The following GJB6 variants were observed in gnomAD, a reference collection of about 807,000 sequenced individuals.
GJB6 encodes gap junction protein beta 6, also known as gap junction beta-6 protein.
Under a neutral mutation model 5.4 loss-of-function variants are expected in GJB6, and 5 were observed. The ratio of observed to expected loss-of-function variants is 0.92; its 90% CI spans 0.48 to 1.93. GJB6 has a LOEUF of 1.93. Ranked by LOEUF, GJB6 falls within the 30% of genes most tolerant of loss-of-function variation. GJB6 has a pLI of 0.01. For synonymous variants in GJB6, 136 were observed against 129.6 expected (o/e 1.05, Z -0.34); for missense variants, 298 against 326.9 (o/e 0.91, Z 0.68).
intron 1 of GJB6, 127 bp from the exon 2 acceptor site, chr13:20,231,632 C>A (rs532981599): frequency 7.9e-5 from 12 of 152,344 alleles, no homozygotes; most frequent in Admixed American, 4.6e-4. Flanking sequence ...TATGCATCGG[C>A]CCAAGTTGAG....
Position 20,222,677 on chromosome 13 carries a change from C to T in GJB6, c.*18G>A, listed in dbSNP as rs759639082. The T allele has an allele frequency of 6.2e-7, 1 of 1,611,268 alleles. No homozygotes were observed. Among genetic ancestry groups the T allele is most frequent in the Non-Finnish European group, 8.5e-7 (1 of 1,177,354 alleles). Reference sequence around the variant, plus strand: ...CAGAAGTCTCCTTATGACGCAGCTACATTTTACCTTGAAATGTTTAGCTTG... The same window carrying T: ...CAGAAGTCTCCTTATGACGCAGCTATATTTTACCTTGAAATGTTTAGCTTG... On this transcript the variant is annotated 3_prime_UTR_variant, in exon 5 of 5. Transcript: ENST00000647029.
At chr13:20,224,248 T>C (rs1869427392) in intron 4 of GJB6, among the ~76,000 whole-genome samples, 1 of 152,186 alleles carries the variant, frequency 6.6e-6, no homozygotes, top group South Asian at 2.1e-4. Flanking sequence ...GAATGACATA[T>C]TCTAGTTTAC....
At position 20,223,955 on chromosome 13, in the gene GJB6, C is replaced by T. The variant is rs113408082; in HGVS notation, c.-15-460G>A. ...CTGCACCCCAGCCTGGGTGACAGAG[C>T]GAGACTCTGTCTCGAAAAAAAAAAA... On this transcript the variant is annotated intron_variant, in intron 4 of 4. Coordinates refer to ENST00000647029, the MANE Select transcript of GJB6 (RefSeq NM_001110219.3). Among the ~76,000 whole-genome samples, 1,160 of 151,186 alleles carry T rather than the reference C, an allele frequency of 7.7e-3. 18 individuals carry two copies. Among genetic ancestry groups the T allele is most frequent in the African/African-American group, 0.026 (1,081 of 41,052 alleles).
chr13:20,230,109 G>C (rs967938936), intron 3 of GJB6: 1 of 152,066 alleles, frequency 6.6e-6, no homozygotes. Context: ...TCTTCAATCA[G>C]GAAGAATAGA....
intron 4 of GJB6, among the ~76,000 whole-genome samples, chr13:20,223,789 C>T (rs1031238310): frequency 6.6e-6 from 1 of 151,850 alleles, no homozygotes; most frequent in Non-Finnish European, 1.5e-5. Context: ...CAAGGTAAAA[C>T]CCCATCTCTA....
Position 20,223,387 on chromosome 13 carries a change from G to A in GJB6, c.94C>T (p.Arg32Ter), listed in dbSNP as rs577509855. 1.4e-5 allele frequency: 23 copies of A among 1,614,004 alleles called. No individual in the cohort carries two copies. The highest frequency in any genetic ancestry group is 1.2e-4 in the South Asian group (11 of 91,072). ...GCAGCCACCACGAGGATCATGACTC[G>A]GAAAATAAAGATGACTGTGATCCAC... ...KVWITVIFIF[R>*]VMILVVAAQE... The change falls in exon 5 of 5, where the codon CGA (arginine) becomes TGA (stop). Residue 32 changes from arginine to a stop codon, truncating the protein, a stop_gained. Coordinates refer to ENST00000647029, the MANE Select transcript of GJB6 (RefSeq NM_001110219.3). LOFTEE classifies it high-confidence loss of function.
At position 20,222,728 on chromosome 13, in the gene GJB6, A is replaced by C. The variant is rs752343828; in HGVS notation, c.753T>G (p.Ser251Arg). The C allele has an allele frequency of 9.9e-6, 16 of 1,614,016 alleles. No individual in the cohort carries two copies. The highest frequency in any genetic ancestry group is 1.4e-5 in the Non-Finnish European group (16 of 1,179,980). Residue 251 changes from serine to arginine, a missense_variant, in exon 5 of 5, where the codon AGT (serine) becomes AGG (arginine). Physicochemically the swap from Ser to Arg is moderately radical, Grantham distance 110. Coordinates refer to ENST00000647029, the MANE Select transcript of GJB6 (RefSeq NM_001110219.3). ...QNEMNELISD[S>R]GQNAITGFPS The stretch of plus-strand genomic sequence containing the variant: ...GGAAACCTGTGATTGCATTTTGACC[A>C]CTATCTGAAATCAGCTCATTCATTT...
At chr13:20,228,637 A>C (rs1398423754) in intron 4 of GJB6, among the ~76,000 whole-genome samples, 1 of 150,676 alleles carries the variant, frequency 6.6e-6, no homozygotes, top group Non-Finnish European at 1.5e-5. Flanking sequence ...GGCGCCTGCC[A>C]CCAAGCCCGG....
chr13:20,225,571 G>A (rs1869520641), intron 4 of GJB6: 1 of 152,108 alleles, frequency 6.6e-6, no homozygotes. Flanking sequence ...GTTATTCTAT[G>A]TTCAATTCTT....
chr13:20,223,214 C>T lies in GJB6; in HGVS notation c.267G>A (p.Leu89=). 6.2e-7 allele frequency: 1 copy of T among 1,610,596 alleles called. No homozygotes were observed. The highest frequency in any genetic ancestry group is 8.5e-7 in the Non-Finnish European group (1 of 1,177,392). The change falls in exon 5 of 5, where the codon CTG becomes CTA. Residue 89 remains leucine (L), a synonymous_variant. Transcript: ENST00000647029. ...LQLIFVSTPA[L]LVAMHVAYYR... ...AGTAGGCCACATGCATGGCCACCAG[C>T]AGCGCTGGGGTGGAGACGAAGATCA...
Position 20,221,993 on chromosome 13 carries a change from T to G in GJB6, c.*702A>C, listed in dbSNP as rs756119531. ...CTTAAGCAATGGGGACGAGCTTTAT[T>G]GAGGCAATCACATCCACATTTCAGT... On this transcript the variant is annotated 3_prime_UTR_variant, in exon 5 of 5. Coordinates refer to ENST00000647029, the MANE Select transcript of GJB6 (RefSeq NM_001110219.3). 6.6e-6 allele frequency: 1 copy of G among 152,528 alleles called. No homozygotes were observed. Among genetic ancestry groups the G allele is most frequent in the Non-Finnish European group, 1.5e-5 (1 of 68,114 alleles). The allele number at this position is 152,528 out of a possible 1,614,324, so 9.4% of individuals were successfully genotyped here.
chr13:20,227,803 G>A (rs1351520322), intron 4 of GJB6, among the ~76,000 whole-genome samples: 1 of 152,218 alleles, frequency 6.6e-6, no homozygotes, highest in African/African-American at 2.4e-5. Flanking sequence ...TGCCATTACT[G>A]GCCAGGCCTG....
intron 4 of GJB6, among the ~76,000 whole-genome samples, chr13:20,228,467 G>GTTTT (rs1180726904): frequency 7.0e-6 from 1 of 141,868 alleles, no homozygotes; most frequent in African/African-American, 2.6e-5. Flanking sequence ...TTGTTTGTTT[G>GTTTT]TTTTTGTTTT....
chr13:20,227,067 C>G (rs914339480), intron 4 of GJB6, among the ~76,000 whole-genome samples: 6 of 152,148 alleles, frequency 3.9e-5, no homozygotes, highest in African/African-American at 2.4e-5. Context: ...AACTCCCCCC[C>G]AGGAACACTG....
rs1318806199 is a variant in GJB6, at chr13:20,232,209, C to A, written c.-435G>T. On this transcript the variant is annotated 5_prime_UTR_variant, in exon 1 of 5. Coordinates refer to ENST00000647029, the MANE Select transcript of GJB6 (RefSeq NM_001110219.3). ...GCCCGCTTACCTGCTCTGCGGCCGG[C>A]GGCCCTGGCGCGGGCTCTGCGCGGG... is the stretch of plus-strand genomic sequence containing the variant. 6.6e-6 allele frequency: 1 copy of A among 152,008 alleles called. No homozygotes were observed. Among genetic ancestry groups the A allele is most frequent in the Non-Finnish European group, 1.5e-5 (1 of 67,992 alleles). 9.4% of individuals were successfully genotyped at this position (152,008 alleles called of 1,614,324 possible). A position where few individuals can be genotyped will look rare whatever the true frequency, so the allele number is the denominator to read the frequency against.
At position 20,223,209 on chromosome 13, in the gene GJB6, A is replaced by G; in HGVS notation, c.272T>C (p.Val91Ala). The change falls in exon 5 of 5, where the codon GTG becomes GCG. Residue 91 changes from valine (V) to alanine (A), a missense_variant. Val to Ala is a moderately conservative substitution (Grantham distance 64). Transcript: ENST00000647029. ...LIFVSTPALL[V>A]AMHVAYYRHE... ...CCTGTAGTAGGCCACATGCATGGCC[A>G]CCAGCAGCGCTGGGGTGGAGACGAA... is the stretch of plus-strand genomic sequence containing the variant. 1 of 1,610,890 alleles carries G rather than the reference A, an allele frequency of 6.2e-7. No homozygotes were observed.
intron 4 of GJB6, among the ~76,000 whole-genome samples, chr13:20,225,032 G>T (rs986284911): frequency 6.6e-6 from 1 of 152,238 alleles, no homozygotes; most frequent in Non-Finnish European, 1.5e-5. Flanking sequence ...GCCTCAGAGT[G>T]GGGTGCTACT....
At position 20,222,281 on chromosome 13, in the gene GJB6, T is replaced by C; in HGVS notation, c.*414A>G. On this transcript the variant is annotated 3_prime_UTR_variant, in exon 5 of 5. Coordinates refer to ENST00000647029, the MANE Select transcript of GJB6 (RefSeq NM_001110219.3). ...TTTTCCAGGTAAGGAAGACCAGTCA[T>C]TATAAAAATACTTTATATAAATTCA... 1 of 172,802 alleles carries C rather than the reference T, an allele frequency of 5.8e-6. No homozygotes were observed. Among genetic ancestry groups the C allele is most frequent in the Non-Finnish European group, 1.3e-5 (1 of 79,884 alleles). 10.7% of individuals were successfully genotyped at this position (172,802 alleles called of 1,614,324 possible).
At chr13:20,225,994 G>A (rs534326197) in intron 4 of GJB6, among the ~76,000 whole-genome samples, 3 of 152,322 alleles carry the variant, frequency 2.0e-5, no homozygotes, top group African/African-American at 7.2e-5. Flanking sequence ...GGCTCAGGCT[G>A]TGTGAAGGGA....
Sources: gnomAD v4.1 joint callset for allele counts (sites outside exome capture counted in the v4.1 genomes callset) on GRCh38, gnomAD v4.1.1 for gene constraint, MANE v1.5 for transcripts, NCBI Gene and HGNC (gene_info 2026-07-23, HGNC 2026-07-21) for gene names.